The following USP42 variants were observed in gnomAD, a reference collection of about 807,000 sequenced individuals.
USP42 encodes the protein ubiquitin carboxyl-terminal hydrolase 42.
In USP42, 23 loss-of-function variants were observed where a neutral mutation model predicts 113.0. That is an observed-to-expected ratio of 0.20 (90% CI 0.15 to 0.29). The LOEUF (loss-of-function observed/expected upper bound fraction) is 0.29, where lower values mean the gene tolerates loss of function less well. USP42 is among the 10% of genes least tolerant of loss of function. The probability of loss-of-function intolerance (pLI) is 1.00; values close to 1 mark genes in which losing one functional copy is unlikely to be tolerated. For synonymous variants in USP42, 933 were observed against 699.0 expected (o/e 1.33, Z -5.28); for missense variants, 2,174 against 1,779.8 (o/e 1.22, Z -3.99).
At chr7:6,150,658 C>G (rs566345) in intron 14 of USP42, among the ~76,000 whole-genome samples, 152 bp downstream of exon 14, 2 of 152,178 alleles carry the variant, frequency 1.3e-5, no homozygotes, top group African/African-American at 4.8e-5. Context: ...GATTTATTAA[C>G]TTGCCTTTTA....
chr7:6,153,383 T>C (rs1030017036), intron 14 of USP42, among the ~76,000 whole-genome samples: 1 of 152,158 alleles, frequency 6.6e-6, no homozygotes, highest in South Asian at 2.1e-4. Flanking sequence ...GATTATTGTT[T>C]TGAAAAATAG....
Position 6,156,814 on chromosome 7 carries a change from A to G in USP42, c.3702A>G (p.Lys1234=), listed in dbSNP as rs1320969036. ...CTGACGCTGACCTCCACAGACACAA[A>G]AAAAAGAAGAAGAAAAAGAAGAGAC... ...ACSDADLHRH[K]KKKKKKKRHS... The change falls in exon 16 of 18, where the codon AAA becomes AAG. Residue 1234 remains lysine, a synonymous_variant. Coordinates refer to ENST00000306177, the MANE Select transcript of USP42 (RefSeq NM_032172.3). 1.2e-6 allele frequency: 2 copies of G among 1,607,304 alleles called. No individual in the cohort carries two copies. The highest frequency in any genetic ancestry group is 1.3e-5 in the African/African-American group (1 of 74,276).
At chr7:6,093,544 A>G in the USP42 span, among the ~76,000 whole-genome samples, 2 of 150,446 alleles carry the variant, frequency 1.3e-5, no homozygotes, top group Non-Finnish European at 2.9e-5. Flanking sequence ...CAGCCTCTCA[A>G]AGTGCTGGGA....
rs1782306024 is a variant in USP42 at position 6,154,606 on chromosome 7, A to G, written c.3052A>G (p.Ser1018Gly). The G allele has an allele frequency of 6.3e-7, 1 of 1,588,888 alleles. No homozygotes were observed. The highest frequency in any genetic ancestry group is 2.3e-5 in the East Asian group (1 of 43,476). The change falls in exon 15 of 18, where the codon AGT (serine) becomes GGT (glycine). Residue 1018 changes from serine (S) to glycine (G), a missense_variant. Coordinates refer to ENST00000306177, the MANE Select transcript of USP42 (RefSeq NM_032172.3). ...PGERRSLGRC[S>G]HHHSRHRSGV... Reference sequence around the variant, plus strand: ...CGAGCGCCGCTCTCTGGGCAGGTGCAGTCACCACCACTCCCGACACCGGAG... The same window carrying G: ...CGAGCGCCGCTCTCTGGGCAGGTGCGGTCACCACCACTCCCGACACCGGAG...
the USP42 span, among the ~76,000 whole-genome samples, chr7:6,092,369 G>A: frequency 6.7e-6 from 1 of 150,054 alleles, no homozygotes; most frequent in Middle Eastern, 3.4e-3. Context: ...AGTAGAGATG[G>A]GGTTTCACCA....
rs1274369108 is a variant in USP42, at chr7:6,157,700, C to T, written c.3943+645C>T. Reference sequence around the variant, plus strand: ...CTCTCCCGAATCCTTAAACCTGTAGCATTCTGAGTGCACCCTGATGCTCGG... The same window carrying T: ...CTCTCCCGAATCCTTAAACCTGTAGTATTCTGAGTGCACCCTGATGCTCGG... On this transcript the variant is annotated intron_variant, in intron 16 of 17. Coordinates refer to ENST00000306177, the MANE Select transcript of USP42 (RefSeq NM_032172.3). The surrounding 1 kb of genome is among the most constrained non-coding windows in gnomAD (Gnocchi z 4.1). Among the ~76,000 whole-genome samples the T allele has an allele frequency of 1.3e-5, 2 of 152,240 alleles. No individual in the cohort carries two copies. Among genetic ancestry groups the T allele is most frequent in the Non-Finnish European group, 2.9e-5 (2 of 68,048 alleles).
the USP42 span, among the ~76,000 whole-genome samples, chr7:6,092,167 C>T: frequency 1.5e-5 from 2 of 131,426 alleles, no homozygotes; most frequent in Non-Finnish European, 3.2e-5. Context: ...CTTCTTCTTT[C>T]TTCTTCTTCT....
chr7:6,136,984 G>A (rs575460757), intron 4 of USP42, among the ~76,000 whole-genome samples: 1 of 152,172 alleles, frequency 6.6e-6, no homozygotes, highest in Non-Finnish European at 1.5e-5. Flanking sequence ...TAGCAAATTG[G>A]TGGATAAATT....
chr7:6,113,832 T>A (rs1437636808), intron 2 of USP42, among the ~76,000 whole-genome samples: 2 of 151,994 alleles, frequency 1.3e-5, no homozygotes, highest in Admixed American at 6.6e-5. Flanking sequence ...TGTGTTAGCC[T>A]GAATAGTCTC....
intron 3 of USP42, among the ~76,000 whole-genome samples, chr7:6,135,331 A>G (rs1414512367): frequency 1.3e-5 from 2 of 152,088 alleles, no homozygotes; most frequent in Non-Finnish European, 2.9e-5. Flanking sequence ...GAGCTAATAT[A>G]TACTTATCAC....
At chr7:6,146,746 C>T (rs189219522) in intron 11 of USP42, among the ~76,000 whole-genome samples, 3 of 152,206 alleles carry the variant, frequency 2.0e-5, no homozygotes, top group African/African-American at 4.8e-5. Context: ...GAGTTTGCTC[C>T]GCATCGCACT....
At chr7:6,143,058 T>A in intron 8 of USP42, 44 bp downstream of exon 8, 1 of 1,597,302 alleles carries the variant, frequency 6.3e-7, no homozygotes, top group Non-Finnish European at 8.6e-7. Flanking sequence ...GCTTCTCCAG[T>A]GGGGATGGCC....
chr7:6,101,714 G>A (rs889808969), upstream of USP42, among the ~76,000 whole-genome samples: 2 of 151,028 alleles, frequency 1.3e-5, no homozygotes, highest in South Asian at 4.1e-4. Context: ...AGAGGGGGAG[G>A]TGTAACCCCC....
At chr7:6,122,671 A>G (rs1780296740) in intron 3 of USP42, among the ~76,000 whole-genome samples, 2 of 151,112 alleles carry the variant, frequency 1.3e-5, no homozygotes, top group Admixed American at 6.6e-5. Flanking sequence ...GGGTTTCAAC[A>G]TGTTGGCCAG....
At chr7:6,105,170 C>T (rs1479059352) in intron 1 of USP42, 138 bp downstream of exon 1, 2 of 146,034 alleles carry the variant, frequency 1.4e-5, no homozygotes, top group South Asian at 4.1e-4. Context: ...CCTCGCCCGC[C>T]TCCCCCTACA....
At chr7:6,140,874 T>G in intron 6 of USP42, 40 bp from the exon 7 acceptor site, 1 of 1,160,140 alleles carries the variant, frequency 8.6e-7, no homozygotes, top group Non-Finnish European at 1.3e-6. Flanking sequence ...GCTGTAATGA[T>G]TATACTTTGC....
intron 7 of USP42, among the ~76,000 whole-genome samples, chr7:6,141,346 G>T (rs1222237015): frequency 6.7e-6 from 1 of 149,858 alleles, no homozygotes; most frequent in African/African-American, 2.5e-5. Context: ...GGGACTATAG[G>T]TGCATGTGCC....
the USP42 span, among the ~76,000 whole-genome samples, chr7:6,097,455 A>C: frequency 6.8e-6 from 1 of 146,946 alleles, no homozygotes; most frequent in Admixed American, 6.8e-5. Flanking sequence ...CACAGGCTGA[A>C]GTGTGCCGTT....
At chr7:6,125,372 C>G (rs1387384841) in intron 3 of USP42, among the ~76,000 whole-genome samples, 6 of 151,664 alleles carry the variant, frequency 4.0e-5, no homozygotes, top group Non-Finnish European at 5.9e-5. Context: ...TGCCTGTAAT[C>G]TCAGCTACTT....
Sources: allele counts gnomAD v4.1 joint callset (sites outside exome capture counted in the v4.1 genomes callset), GRCh38; gene constraint gnomAD v4.1.1; non-coding constraint Gnocchi (gnomAD v3.1); transcripts MANE v1.5; gene names NCBI Gene and HGNC (gene_info 2026-07-23, HGNC 2026-07-21).